Variants in LTBP1 observed in about 807,000 individuals in gnomAD.
LTBP1 encodes latent-transforming growth factor beta-binding protein 1.
Under a neutral mutation model 207.6 loss-of-function variants are expected in LTBP1, and 129 were observed. That is an observed-to-expected ratio of 0.62 (90% CI 0.54 to 0.72). The LOEUF is 0.72. Ranked by LOEUF, LTBP1 falls within the 30% of genes least tolerant of loss-of-function variation. The pLI is 0.00. For synonymous variants in LTBP1, 963 were observed against 833.7 expected (o/e 1.16, Z -2.67); for missense variants, 2,281 against 2,217.2 (o/e 1.03, Z -0.58).
chr2:33,095,588 CAT>C (rs1367138072), intron 3 of LTBP1, among the ~76,000 whole-genome samples: 1 of 151,978 alleles, frequency 6.6e-6, no homozygotes. Context: ...AAATTTGACT[CAT>C]AGAGAAGAGA....
At chr2:32,975,715 G>A (rs564037361) in intron 2 of LTBP1, among the ~76,000 whole-genome samples, 4 of 142,160 alleles carry the variant, frequency 2.8e-5, no homozygotes, top group East Asian at 2.2e-4. Context: ...TTATGATATC[G>A]TGAAATTCTT....
intron 3 of LTBP1, among the ~76,000 whole-genome samples, chr2:33,082,207 T>A (rs2078451136): frequency 6.6e-6 from 1 of 152,128 alleles, no homozygotes; most frequent in South Asian, 2.1e-4. Context: ...TTGCCCTCTC[T>A]TTGCTTTTCT....
chr2:33,158,022 G>A (rs1027707898), intron 5 of LTBP1, among the ~76,000 whole-genome samples: 7 of 152,018 alleles, frequency 4.6e-5, no homozygotes, highest in Admixed American at 1.3e-4. Context: ...TATAATCCCA[G>A]CTACTTGGGA....
At chr2:33,193,284 G>A (rs1462712887) in intron 7 of LTBP1, among the ~76,000 whole-genome samples, 1 of 152,092 alleles carries the variant, frequency 6.6e-6, no homozygotes, top group African/African-American at 2.4e-5. Flanking sequence ...TGGAATTACA[G>A]GTGTGCACCA....
intron 3 of LTBP1, among the ~76,000 whole-genome samples, chr2:33,087,465 A>G (rs2078831571): frequency 6.6e-6 from 1 of 152,212 alleles, no homozygotes; most frequent in Non-Finnish European, 1.5e-5. Flanking sequence ...AACAGACTTA[A>G]GTAATAGGTT....
chr2:33,038,510 G>T (rs1313220065), intron 3 of LTBP1, among the ~76,000 whole-genome samples: 1 of 152,156 alleles, frequency 6.6e-6, no homozygotes. Context: ...ATGCTCTCTG[G>T]TCGTTCCTGG....
intron 7 of LTBP1, among the ~76,000 whole-genome samples, chr2:33,197,174 C>T (rs2088659484): frequency 6.6e-6 from 1 of 152,106 alleles, no homozygotes; most frequent in South Asian, 2.1e-4. Context: ...ACTAAATCTC[C>T]TATATTCAAA....
intron 25 of LTBP1, 84 bp from the exon 26 acceptor site, chr2:33,347,283 C>A: frequency 1.2e-5 from 18 of 1,521,782 alleles, no homozygotes; most frequent in Non-Finnish European, 1.6e-5. Flanking sequence ...CAGCAAGACA[C>A]TATTAGCCCT....
At chr2:33,271,437 A>G (rs2093319352) in intron 15 of LTBP1, among the ~76,000 whole-genome samples, 1 of 152,182 alleles carries the variant, frequency 6.6e-6, no homozygotes, top group Non-Finnish European at 1.5e-5. Context: ...GGAAGCTTCT[A>G]TGTATAATAT....
At chr2:33,063,078 C>T (rs1405325447) in intron 3 of LTBP1, 2 of 152,220 alleles carry the variant, frequency 1.3e-5, no homozygotes, top group African/African-American at 2.4e-5. Context: ...CCCACACTGT[C>T]TTGAGTACTG....
At chr2:32,968,990 C>T (rs1346584678) in intron 2 of LTBP1, among the ~76,000 whole-genome samples, 1 of 148,312 alleles carries the variant, frequency 6.7e-6, no homozygotes, top group Non-Finnish European at 1.5e-5. Context: ...TCTCGGCTCA[C>T]TGCAACCTCT....
chr2:32,992,444 C>T (rs1014879216), intron 2 of LTBP1, among the ~76,000 whole-genome samples: 3 of 151,978 alleles, frequency 2.0e-5, no homozygotes, highest in Non-Finnish European at 2.9e-5. Context: ...TGAGTTTGTC[C>T]AAAAGAAGGG....
chr2:33,020,427 A>G (rs1296850671), intron 2 of LTBP1, among the ~76,000 whole-genome samples: 2 of 152,204 alleles, frequency 1.3e-5, no homozygotes, highest in Non-Finnish European at 2.9e-5. Flanking sequence ...AATTTAAGCC[A>G]CAGAACATAA....
chr2:33,049,509 A>G (rs909536912), intron 3 of LTBP1, among the ~76,000 whole-genome samples: 2 of 152,240 alleles, frequency 1.3e-5, no homozygotes, highest in African/African-American at 2.4e-5. Context: ...CTGAATTGCC[A>G]TATCAGTAAG....
intron 3 of LTBP1, among the ~76,000 whole-genome samples, chr2:33,085,990 C>T (rs1024639742): frequency 6.6e-6 from 1 of 152,176 alleles, no homozygotes; most frequent in African/African-American, 2.4e-5. Context: ...TCCATCTTGG[C>T]GTAATGGGAT....
At chr2:33,265,816 T>C (rs2093161011) in intron 15 of LTBP1, among the ~76,000 whole-genome samples, 1 of 152,190 alleles carries the variant, frequency 6.6e-6, no homozygotes, top group Non-Finnish European at 1.5e-5. Flanking sequence ...GGCATCATCA[T>C]CAACTTTAAC....
At chr2:33,060,167 A>G (rs2077193952) in intron 3 of LTBP1, among the ~76,000 whole-genome samples, 1 of 128,614 alleles carries the variant, frequency 7.8e-6, no homozygotes, top group Admixed American at 8.9e-5. Flanking sequence ...TGCTAAAACC[A>G]GGGATTATTT....
In LTBP1 at chr2:32,947,666, C is replaced by T. The variant is rs528989752; in HGVS notation, c.342C>T (p.Pro114=). The T allele has an allele frequency of 1.9e-5, 27 of 1,439,554 alleles. No individual in the cohort carries two copies. In the South Asian group the frequency reaches 2.4e-4, roughly 13 times the overall value. 89.2% of individuals were successfully genotyped at this position (1,439,554 alleles called of 1,614,324 possible). A position where few individuals can be genotyped will look rare whatever the true frequency, so the allele number is the denominator to read the frequency against. ...CGGAGCCTGCGCGTCCCGCGGTCCCCGGCGGGCAGCTCCACCCCAATCCCG... is the reference window on the plus strand; with the variant it reads ...CGGAGCCTGCGCGTCCCGCGGTCCCTGGCGGGCAGCTCCACCCCAATCCCG... ...PPPEPARPAV[P]GGQLHPNPGG... The change falls in exon 1 of 34, where the codon CCC becomes CCT. Residue 114 remains proline, a synonymous_variant. Coordinates refer to ENST00000404816, the MANE Select transcript of LTBP1 (RefSeq NM_206943.4).
At chr2:33,364,630 C>G (rs896261737) in intron 30 of LTBP1, among the ~76,000 whole-genome samples, 1 of 152,096 alleles carries the variant, frequency 6.6e-6, no homozygotes, top group African/African-American at 2.4e-5. Context: ...GTTCATCATC[C>G]CTAACCTGCA....
Sources: allele counts gnomAD v4.1 joint callset (sites outside exome capture counted in the v4.1 genomes callset), GRCh38; gene constraint gnomAD v4.1.1; transcripts MANE v1.5; gene names NCBI Gene and HGNC (gene_info 2026-07-23, HGNC 2026-07-21).